Variants in ACO1 observed in about 807,000 individuals in gnomAD.
ACO1 encodes the protein cytoplasmic aconitate hydratase.
In ACO1, 78 loss-of-function variants were observed where a neutral mutation model predicts 105.1. That is an observed-to-expected ratio of 0.74 (90% confidence interval 0.62 to 0.90). The LOEUF is 0.90. Among genes scored for constraint, ACO1 ranks in the 40% least tolerant of loss-of-function variants. The pLI, the probability that ACO1 is intolerant of heterozygous loss-of-function variation, is 0.00. For missense variants in ACO1, 965 were observed against 1,111.1 expected, an observed-to-expected ratio of 0.87 and a Z score of 1.87; for synonymous variants, 364 against 397.4, an observed-to-expected ratio of 0.92 and a Z score of 1.00.
At chr9:32,387,781 C>A (rs1821185086) in intron 1 of ACO1, among the ~76,000 whole-genome samples, 1 of 152,148 alleles carries the variant, frequency 6.6e-6, no homozygotes, top group Admixed American at 6.5e-5. Flanking sequence ...AACATGCAAA[C>A]AAACAAGCAT....
At chr9:32,426,124 A>G in intron 11 of ACO1, 127 bp downstream of exon 11, 3 of 941,122 alleles carry the variant, frequency 3.2e-6, no homozygotes, top group Admixed American at 2.7e-5. Context: ...CCAGATACAG[A>G]TATTTATTGG....
intron 19 of ACO1, among the ~76,000 whole-genome samples, chr9:32,441,170 C>CA (rs575802520): frequency 4.4e-4 from 67 of 152,300 alleles, no homozygotes; most frequent in African/African-American, 1.3e-3. Context: ...GAGTGAAACT[C>CA]ACTCTGCACA....
At chr9:32,419,340 T>A (rs1176840942) in intron 7 of ACO1, among the ~76,000 whole-genome samples, 163 bp downstream of exon 7, 1 of 152,264 alleles carries the variant, frequency 6.6e-6, no homozygotes, top group South Asian at 2.1e-4. Flanking sequence ...AAGTGTTCTA[T>A]GTTAAGTTTA....
chr9:32,408,600 G>A lies in ACO1; in HGVS notation c.353G>A (p.Cys118Tyr), dbSNP rs1306981086. 6.2e-7 allele frequency: 1 copy of A among 1,614,068 alleles called. No individual in the cohort carries two copies. Among genetic ancestry groups the A allele is most frequent in the Non-Finnish European group, 8.5e-7 (1 of 1,180,036 alleles). ...GATCCAGAGAAAATAAACCCTGTCT[G>A]CCCTGCTGATCTTGTAATAGATCAT... ...GGDPEKINPV[C>Y]PADLVIDHSI... Residue 118 changes from cysteine to tyrosine, a missense_variant, in exon 4 of 21, where the codon TGC (cysteine) becomes TAC (tyrosine). Coordinates refer to ENST00000309951, the MANE Select transcript of ACO1 (RefSeq NM_002197.3).
intron 19 of ACO1, among the ~76,000 whole-genome samples, chr9:32,444,048 C>T (rs574083484): frequency 1.5e-5 from 2 of 131,524 alleles, no homozygotes; most frequent in South Asian, 4.6e-4. Context: ...TCAACTCCCA[C>T]TTATGGGTGA....
At chr9:32,394,454 A>G (rs1821329745) in intron 1 of ACO1, among the ~76,000 whole-genome samples, 1 of 152,226 alleles carries the variant, frequency 6.6e-6, no homozygotes, top group Non-Finnish European at 1.5e-5. Flanking sequence ...TGTATGAATG[A>G]ATCCACACCA....
chr9:32,430,263 C>A (rs1331876835), intron 13 of ACO1, among the ~76,000 whole-genome samples, 155 bp from the exon 14 acceptor site: 1 of 152,198 alleles, frequency 6.6e-6, no homozygotes, highest in African/African-American at 2.4e-5. Context: ...GGGGACACCC[C>A]AGTGTACCCT....
intron 4 of ACO1, among the ~76,000 whole-genome samples, chr9:32,417,454 C>T (rs1403485832): frequency 2.6e-5 from 4 of 152,184 alleles, no homozygotes; most frequent in African/African-American, 9.7e-5. Flanking sequence ...GATCTTGTGA[C>T]TATGACTTAT....
chr9:32,400,732 C>T (rs1233178185), intron 1 of ACO1, among the ~76,000 whole-genome samples: 1 of 152,122 alleles, frequency 6.6e-6, no homozygotes, highest in Admixed American at 6.5e-5. Flanking sequence ...AATGACCGCT[C>T]CAGTGTTTTA....
At chr9:32,414,585 AC>A (rs1821809570) in intron 4 of ACO1, among the ~76,000 whole-genome samples, 1 of 152,146 alleles carries the variant, frequency 6.6e-6, no homozygotes, top group Non-Finnish European at 1.5e-5. Context: ...TCAAACTGAT[AC>A]CCCCAGCATT....
rs749277564 is a variant in ACO1, at chr9:32,420,863, G to A, written c.806G>A (p.Arg269His). 13 of 1,613,094 alleles carry A rather than the reference G, an allele frequency of 8.1e-6. No individual in the cohort carries two copies. The highest frequency in any genetic ancestry group is 1.1e-5 in the South Asian group (1 of 90,986). The change falls in exon 8 of 21, where the codon CGC (arginine) becomes CAC (histidine). Residue 269 changes from arginine to histidine, a missense_variant. Coordinates refer to ENST00000309951, the MANE Select transcript of ACO1 (RefSeq NM_002197.3). ...DIVLTITKHL[R>H]QVGVVGKFVE... ...GTTGTTTCTGCTGCTTAGCACCTCC[G>A]CCAGGTTGGGGTAGTGGGCAAATTT...
In ACO1 at chr9:32,424,647, G is replaced by A. The variant is rs7025336; in HGVS notation, c.1170G>A (p.Glu390=). 10 of 1,613,896 alleles carry A rather than the reference G, an allele frequency of 6.2e-6. No homozygotes were observed. In the Admixed American group the frequency reaches 1.5e-4, roughly 24 times the overall value. ...TGTCCGACATGAAAAAGGACTTTGAGAGCTGCCTTGGAGCCAAGGTAGGGG... is the reference window on the plus strand; with the variant it reads ...TGTCCGACATGAAAAAGGACTTTGAAAGCTGCCTTGGAGCCAAGGTAGGGG... The part of the protein sequence containing the change: ...VAVSDMKKDF[E]SCLGAKQGFK... Residue 390 remains glutamate, a synonymous_variant, in exon 10 of 21, where the codon GAG becomes GAA. Coordinates refer to ENST00000309951, the MANE Select transcript of ACO1 (RefSeq NM_002197.3).
At chr9:32,395,359 C>A (rs765993916) in intron 1 of ACO1, among the ~76,000 whole-genome samples, 1 of 152,070 alleles carries the variant, frequency 6.6e-6, no homozygotes, top group African/African-American at 2.4e-5. Context: ...ACCTGTAATC[C>A]CAGCGACTCC....
At chr9:32,389,389 C>T (rs1335992700) in intron 1 of ACO1, among the ~76,000 whole-genome samples, 2 of 152,194 alleles carry the variant, frequency 1.3e-5, no homozygotes, top group Non-Finnish European at 2.9e-5. Context: ...TCAACCCCTA[C>T]AGTATGTTTA....
intron 12 of ACO1, 84 bp from the exon 13 acceptor site, chr9:32,429,335 G>C: frequency 7.9e-7 from 1 of 1,259,118 alleles, no homozygotes; most frequent in Non-Finnish European, 1.2e-6. Context: ...TTTGAACAGT[G>C]GTCTCTGGAA....
At chr9:32,440,379 C>T (rs937892803) in intron 18 of ACO1, 86 bp from the exon 19 acceptor site, 1 of 1,538,220 alleles carries the variant, frequency 6.5e-7, no homozygotes, top group African/African-American at 1.4e-5. Context: ...CAAACCCATC[C>T]AGCCCCGCCC....
intron 9 of ACO1, among the ~76,000 whole-genome samples, chr9:32,424,000 A>G (rs1036487111): frequency 6.6e-6 from 1 of 152,244 alleles, no homozygotes; most frequent in African/African-American, 2.4e-5. Context: ...GTGAAGGTAC[A>G]AACATGTCAG....
chr9:32,433,971 G>T, intron 16 of ACO1, 139 bp downstream of exon 16: 1 of 689,884 alleles, frequency 1.4e-6, no homozygotes, highest in Non-Finnish European at 2.4e-6. Flanking sequence ...TACTGCTGGG[G>T]AAAGTTTTGG....
intron 1 of ACO1, among the ~76,000 whole-genome samples, chr9:32,402,630 G>A (rs776487648): frequency 2.0e-4 from 30 of 152,140 alleles, no homozygotes; most frequent in Non-Finnish European, 3.5e-4. Flanking sequence ...GATTAGGGAT[G>A]GGATGAGTGT....
Sources: allele counts gnomAD v4.1 joint callset (sites outside exome capture counted in the v4.1 genomes callset), GRCh38; gene constraint gnomAD v4.1.1; transcripts MANE v1.5; gene names NCBI Gene and HGNC (gene_info 2026-07-23, HGNC 2026-07-21).